Variants in EPSTI1 observed in about 807,000 individuals in gnomAD.
EPSTI1 encodes the protein epithelial-stromal interaction protein 1.
A neutral mutation model predicts 49.9 loss-of-function variants in EPSTI1; 66 were observed. The ratio of observed to expected loss-of-function variants is 1.32; its 90% CI spans 1.08 to 1.62. The LOEUF (loss-of-function observed/expected upper bound fraction) is 1.62. EPSTI1 is among the 40% of genes most tolerant of loss of function. EPSTI1 has a pLI of 0.00. For synonymous variants in EPSTI1, 137 were observed against 130.7 expected, an observed-to-expected ratio of 1.05 and a Z score of -0.33; for missense variants, 394 against 365.5, an observed-to-expected ratio of 1.08 and a Z score of -0.64.
At chr13:42,888,655 G>A (rs575980755) in intron 10 of EPSTI1, among the ~76,000 whole-genome samples, 153 bp from the exon 11 acceptor site, 5 of 152,250 alleles carry the variant, frequency 3.3e-5, no homozygotes, top group East Asian at 3.9e-4. Context: ...CCATTGAAAC[G>A]ATTTGATTTT....
chr13:42,887,585 G>C lies in EPSTI1; in HGVS notation c.*909C>G, dbSNP rs1295592830. 6.6e-6 allele frequency: 1 copy of C among 152,180 alleles called. No homozygotes were observed. The highest frequency in any genetic ancestry group is 1.5e-5 in the Non-Finnish European group (1 of 68,040). 9.4% of individuals were successfully genotyped at this position (152,180 alleles called of 1,614,324 possible). On this transcript the variant is annotated 3_prime_UTR_variant, in exon 11 of 11. Transcript: ENST00000313624. ...GTGAGGCGGAGGGGACAGAGGGATT[G>C]AGCTAGATTACACAGCGTAGAAAAT...
chr13:42,907,857 AT>A (rs2037541227), intron 8 of EPSTI1, among the ~76,000 whole-genome samples: 1 of 152,186 alleles, frequency 6.6e-6, no homozygotes, highest in Non-Finnish European at 1.5e-5. Flanking sequence ...CTTTATTCGA[AT>A]TGACTTTTAT....
Position 42,992,186 on chromosome 13 carries a change from C to CG in EPSTI1, c.-22dup. Reference sequence around the variant, plus strand: ...TTCATGGTTCACAGCCCGCGGGTCCCGGGCCGCCGTCGCTGCGGGAGGGAT... The same window carrying CG: ...TTCATGGTTCACAGCCCGCGGGTCCCGGGGCCGCCGTCGCTGCGGGAGGGAT... On this transcript the variant is annotated 5_prime_UTR_variant, in exon 1 of 11. Coordinates refer to ENST00000313624, the MANE Select transcript of EPSTI1 (RefSeq NM_033255.5). 2 of 1,522,402 alleles carry CG rather than the reference C, an allele frequency of 1.3e-6. No individual in the cohort carries two copies. The highest frequency in any genetic ancestry group is 1.8e-6 in the Non-Finnish European group (2 of 1,136,474). 94.3% of individuals were successfully genotyped at this position (1,522,402 alleles called of 1,614,324 possible).
intron 5 of EPSTI1, among the ~76,000 whole-genome samples, chr13:42,959,453 G>C (rs2039376489): frequency 6.6e-6 from 1 of 152,168 alleles, no homozygotes; most frequent in Admixed American, 6.5e-5. Context: ...TCAATGTTGA[G>C]TTTACCCCTA....
intron 1 of EPSTI1, among the ~76,000 whole-genome samples, chr13:42,985,374 A>G (rs1329686445): frequency 3.3e-5 from 5 of 152,240 alleles, no homozygotes; most frequent in African/African-American, 1.2e-4. Flanking sequence ...ATGTCCTTGC[A>G]GAAGTACTTT....
rs201357180 is a variant in EPSTI1, at chr13:42,917,540, C to A, written c.741+1G>T. 5 of 1,552,294 alleles carry A rather than the reference C, an allele frequency of 3.2e-6. No homozygotes were observed. Among genetic ancestry groups the A allele is most frequent in the African/African-American group, 2.7e-5 (2 of 73,306 alleles). On this transcript the variant is annotated splice_donor_variant, in intron 8 of 10. Transcript: ENST00000313624. LOFTEE classifies it high-confidence loss of function. ...AATAACTAGTAGGGGCTTGTAAGTACCTTTTGATGTTGTTCATCCTTCATC... is the reference window on the plus strand; with the variant it reads ...AATAACTAGTAGGGGCTTGTAAGTAACTTTTGATGTTGTTCATCCTTCATC...
Position 42,893,166 on chromosome 13 carries a change from C to T in EPSTI1, c.915+1843G>A, listed in dbSNP as rs1850057006. Among the ~76,000 whole-genome samples, 3 of 152,128 alleles carry T rather than the reference C, an allele frequency of 2.0e-5. No individual in the cohort carries two copies. In the South Asian group the frequency reaches 6.2e-4, roughly 32 times the overall value. On this transcript the variant is annotated intron_variant, in intron 10 of 10. Transcript: ENST00000313624. ...GAGAGGCACCTTTTGATGTTTTACT[C>T]TGAAGGAGGACAGAGAAACAGGGCA...
intron 1 of EPSTI1, among the ~76,000 whole-genome samples, chr13:42,972,851 A>G (rs973535016): frequency 6.6e-6 from 1 of 152,214 alleles, no homozygotes; most frequent in Non-Finnish European, 1.5e-5. Context: ...GGATGGGGAA[A>G]AAAACAAAAA....
At chr13:42,904,634 C>T (rs2037447528) in intron 8 of EPSTI1, among the ~76,000 whole-genome samples, 1 of 152,108 alleles carries the variant, frequency 6.6e-6, no homozygotes, top group Non-Finnish European at 1.5e-5. Flanking sequence ...ACCAACAAAA[C>T]ACTTGTACCA....
intron 9 of EPSTI1, among the ~76,000 whole-genome samples, chr13:42,895,421 CAGGTATGAACCTCAG>C (rs1404778303): frequency 6.6e-6 from 1 of 152,200 alleles, no homozygotes; most frequent in Non-Finnish European, 1.5e-5. Flanking sequence ...AGAATCATGC[CAGGTATGAACCTCAG>C]AGGCTGGAGA....
chr13:42,932,509 C>T (rs542985945), intron 6 of EPSTI1, among the ~76,000 whole-genome samples: 2 of 152,110 alleles, frequency 1.3e-5, no homozygotes, highest in South Asian at 4.2e-4. Context: ...CCAAACCTTT[C>T]CAAGGGGGCA....
intron 8 of EPSTI1, among the ~76,000 whole-genome samples, chr13:42,914,233 T>A (rs1393135465): frequency 2.0e-5 from 3 of 152,220 alleles, no homozygotes; most frequent in Non-Finnish European, 2.9e-5. Flanking sequence ...AGTCTCCTTT[T>A]AATTGTTTAC....
At position 42,895,745 on chromosome 13, in the gene EPSTI1, G is replaced by A. The variant is rs114671808; in HGVS notation, c.816-637C>T. ...AAAATAATAAATCACAGGTAACGTC[G>A]TGCTCTGAGTTGCCCACGTATGGCT... On this transcript the variant is annotated intron_variant, in intron 9 of 10. Coordinates refer to ENST00000313624, the MANE Select transcript of EPSTI1 (RefSeq NM_033255.5). Among the ~76,000 whole-genome samples the A allele has an allele frequency of 6.3e-3, 958 of 152,204 alleles. 11 individuals are homozygous for A. Among genetic ancestry groups the A allele is most frequent in the African/African-American group, 0.022 (897 of 41,530 alleles).
At position 42,917,628 on chromosome 13, in the gene EPSTI1, T is replaced by C. The variant is rs768968528; in HGVS notation, c.658-4A>G. The C allele has an allele frequency of 1.1e-5, 5 of 446,790 alleles. No individual in the cohort carries two copies. Among genetic ancestry groups the C allele is most frequent in the African/African-American group, 2.7e-5 (1 of 36,668 alleles). 27.7% of individuals were successfully genotyped at this position (446,790 alleles called of 1,614,324 possible). On this transcript the variant is annotated splice_region_variant and splice_polypyrimidine_tract_variant and intron_variant, in intron 7 of 10. Coordinates refer to ENST00000313624, the MANE Select transcript of EPSTI1 (RefSeq NM_033255.5). ...CTCTGTAAGCCCAGCTTCTGGCCTG[T>C]AAAGGTACAAAGAGAAAAAAAAAAA...
intron 1 of EPSTI1, among the ~76,000 whole-genome samples, chr13:42,989,591 G>A (rs376000987): frequency 1.9e-5 from 1 of 52,606 alleles, no homozygotes; most frequent in Non-Finnish European, 3.9e-5. Flanking sequence ...TTTGCTTTTT[G>A]TTTTGTTTTG....
intron 1 of EPSTI1, among the ~76,000 whole-genome samples, chr13:42,973,189 G>T (rs2039806277): frequency 6.6e-6 from 1 of 152,154 alleles, no homozygotes; most frequent in Non-Finnish European, 1.5e-5. Context: ...ATCTAATCTG[G>T]TTAAGTTTTT....
intron 6 of EPSTI1, among the ~76,000 whole-genome samples, chr13:42,941,491 C>T (rs1019503608): frequency 6.6e-6 from 1 of 151,618 alleles, no homozygotes; most frequent in Admixed American, 6.6e-5. Flanking sequence ...CCTAGTGGTG[C>T]ACACGTGTAG....
At chr13:42,982,034 G>A (rs185488283) in intron 1 of EPSTI1, among the ~76,000 whole-genome samples, 16 of 152,308 alleles carry the variant, frequency 1.1e-4, no homozygotes, top group African/African-American at 3.8e-4. Flanking sequence ...GAACCAGAGA[G>A]ATTCCACCTT....
In EPSTI1 at chr13:42,963,269, T is replaced by C. The variant is rs1346898169; in HGVS notation, c.475A>G (p.Ile159Val). 2.1e-5 allele frequency: 34 copies of C among 1,613,466 alleles called. No individual in the cohort carries two copies. The highest frequency in any genetic ancestry group is 2.5e-5 in the Non-Finnish European group (30 of 1,179,694). The change falls in exon 5 of 11, where the codon ATT (isoleucine) becomes GTT (valine). Residue 159 changes from isoleucine to valine, a missense_variant. By Grantham distance (29) the Ile-to-Val change is conservative. Coordinates refer to ENST00000313624, the MANE Select transcript of EPSTI1 (RefSeq NM_033255.5). Reference protein sequence around the residue: ...EEAELQKMKAIQREKSNKLEE... With the variant: ...EEAELQKMKAVQREKSNKLEE... ...CTCCTCCTTACCTTCTCTCTCTGAA[T>C]TGCCTTCATTTTTTGGAGTTCAGCT... is the stretch of plus-strand genomic sequence containing the variant.
Sources: allele counts gnomAD v4.1 joint callset (sites outside exome capture counted in the v4.1 genomes callset), GRCh38; gene constraint gnomAD v4.1.1; transcripts MANE v1.5; gene names NCBI Gene and HGNC (gene_info 2026-07-23, HGNC 2026-07-21).